The following DPP10 variants were observed in gnomAD, a reference collection of about 807,000 sequenced individuals.
DPP10 encodes dipeptidyl peptidase like 10, also known as inactive dipeptidyl peptidase 10.
Under a neutral mutation model 120.9 loss-of-function variants are expected in DPP10, and 33 were observed. That is an observed-to-expected ratio of 0.27 (90% CI 0.21 to 0.37). The LOEUF (loss-of-function observed/expected upper bound fraction) is 0.37. Ranked by LOEUF, DPP10 falls within the 10% of genes least tolerant of loss-of-function variation. DPP10 has a pLI of 1.00. For missense variants in DPP10, 816 were observed against 942.8 expected, an observed-to-expected ratio of 0.87 and a Z score of 1.76; for synonymous variants, 337 against 326.1, an observed-to-expected ratio of 1.03 and a Z score of -0.36.
intron 1 of DPP10, among the ~76,000 whole-genome samples, chr2:114,998,468 A>G (rs1701238495): frequency 6.6e-6 from 1 of 152,170 alleles, no homozygotes; most frequent in Non-Finnish European, 1.5e-5. Flanking sequence ...GGAGCTGATC[A>G]AAAGGGAATA....
At chr2:115,312,926 A>G (rs1387762903) in intron 2 of DPP10, among the ~76,000 whole-genome samples, 3 of 152,154 alleles carry the variant, frequency 2.0e-5, no homozygotes, top group African/African-American at 4.8e-5. Context: ...AACTCTTCCA[A>G]TAAGAGTGGC....
chr2:115,408,428 G>A (rs2068693204), intron 3 of DPP10, among the ~76,000 whole-genome samples: 1 of 152,018 alleles, frequency 6.6e-6, no homozygotes, highest in African/African-American at 2.4e-5. Context: ...GGCTTTTGCT[G>A]GGGGACCTTT....
intron 1 of DPP10, among the ~76,000 whole-genome samples, chr2:114,788,296 T>C (rs1682934295): frequency 6.6e-6 from 1 of 152,236 alleles, no homozygotes; most frequent in Non-Finnish European, 1.5e-5. Flanking sequence ...AAATGCCATT[T>C]ATACTCATCC....
chr2:115,605,361 C>A (rs1312868658), intron 5 of DPP10, among the ~76,000 whole-genome samples: 1 of 152,034 alleles, frequency 6.6e-6, no homozygotes, highest in Non-Finnish European at 1.5e-5. Flanking sequence ...ATTTTAAACT[C>A]TTATCACCCC....
At chr2:115,033,922 G>A (rs1277169145) in intron 1 of DPP10, among the ~76,000 whole-genome samples, 7 of 115,864 alleles carry the variant, frequency 6.0e-5, no homozygotes, top group East Asian at 2.8e-4. Flanking sequence ...TTTTTGAGAC[G>A]GAGTCTTGCT....
intron 1 of DPP10, among the ~76,000 whole-genome samples, chr2:115,272,662 T>C (rs954521840): frequency 6.6e-6 from 1 of 152,234 alleles, no homozygotes; most frequent in African/African-American, 2.4e-5. Flanking sequence ...AGTTCAAATA[T>C]CCAGTTTCCT....
chr2:115,633,748 T>A (rs1021741141), intron 5 of DPP10, among the ~76,000 whole-genome samples: 3 of 152,154 alleles, frequency 2.0e-5, no homozygotes, highest in Non-Finnish European at 4.4e-5. Context: ...GAGAATCTGA[T>A]GATTATGTGT....
chr2:114,978,659 T>A lies in DPP10; in HGVS notation c.61-330580T>A, dbSNP rs545655456. 6.6e-5 allele frequency among the ~76,000 whole-genome samples: 10 copies of A among 152,222 alleles called. No individual in the cohort carries two copies. The South Asian group carries it at 2.1e-3, about 32-fold the overall frequency. Reference sequence around the variant, plus strand: ...TTGTGATAATAATAGAATCACAAACTTCCAAGTCCTGGTTTCAGCTGTAGA... The same window carrying A: ...TTGTGATAATAATAGAATCACAAACATCCAAGTCCTGGTTTCAGCTGTAGA... On this transcript the variant is annotated intron_variant, in intron 1 of 25. Transcript: ENST00000410059.
chr2:115,466,338 G>A (rs945498117), intron 3 of DPP10, among the ~76,000 whole-genome samples: 2 of 152,104 alleles, frequency 1.3e-5, no homozygotes, highest in African/African-American at 4.8e-5. Flanking sequence ...ACATTTTGTA[G>A]AGCTACTATT....
intron 3 of DPP10, among the ~76,000 whole-genome samples, chr2:115,357,556 G>T (rs1188538712): frequency 2.0e-5 from 3 of 152,172 alleles, no homozygotes; most frequent in Non-Finnish European, 2.9e-5. Context: ...GGTGTTGTGT[G>T]TGCAGCTTTT....
At chr2:115,777,744 T>C (rs752389328) in intron 14 of DPP10, 43 bp from the exon 15 acceptor site, 33 of 1,599,096 alleles carry the variant, frequency 2.1e-5, no homozygotes, top group South Asian at 3.3e-5. Context: ...TCACAAAAAA[T>C]AGATCTGTGT....
intron 1 of DPP10, among the ~76,000 whole-genome samples, chr2:115,177,762 T>TTTTGTTTGTTTGTTTGTTTG (rs57710013): frequency 1.0e-4 from 15 of 150,726 alleles, no homozygotes; most frequent in African/African-American, 3.4e-4. Flanking sequence ...TTGTTTTTGT[T>TTTTGTTTGTTTGTTTGTTTG]TTTGTTTGTT....
intron 1 of DPP10, among the ~76,000 whole-genome samples, chr2:114,873,744 C>T (rs1574390361): frequency 6.6e-6 from 1 of 152,106 alleles, no homozygotes; most frequent in Admixed American, 6.6e-5. Flanking sequence ...CGTTAACGTA[C>T]ATGCCCTTAA....
At chr2:114,445,210 A>C (rs531647083) in intron 1 of DPP10, among the ~76,000 whole-genome samples, 1 of 152,184 alleles carries the variant, frequency 6.6e-6, no homozygotes, top group African/African-American at 2.4e-5. Flanking sequence ...CTATCAATTT[A>C]CTATCAGATA....
intron 1 of DPP10, among the ~76,000 whole-genome samples, chr2:115,252,539 T>C (rs1464938972): frequency 1.3e-5 from 2 of 152,208 alleles, no homozygotes; most frequent in East Asian, 3.9e-4. Context: ...CTATTCTGAT[T>C]CTTCACATAT....
chr2:114,611,485 A>ATCCAG (rs1693282062), intron 1 of DPP10, among the ~76,000 whole-genome samples: 1 of 152,190 alleles, frequency 6.6e-6, no homozygotes, highest in African/African-American at 2.4e-5. Context: ...ATATGTTTTC[A>ATCCAG]TCCAGTCTTT....
chr2:114,955,825 T>C (rs550383946), intron 1 of DPP10, among the ~76,000 whole-genome samples: 5 of 152,302 alleles, frequency 3.3e-5, no homozygotes, highest in East Asian at 1.9e-4. Context: ...ATTGTGTTAA[T>C]AGAATGAAGG....
chr2:114,849,545 C>A (rs1425534286), intron 1 of DPP10, among the ~76,000 whole-genome samples: 4 of 151,948 alleles, frequency 2.6e-5, no homozygotes, highest in African/African-American at 7.3e-5. Context: ...ACCATGTTAC[C>A]CAGGCTGCTC....
chr2:115,114,878 T>A (rs539294428), intron 1 of DPP10, among the ~76,000 whole-genome samples: 1 of 152,042 alleles, frequency 6.6e-6, no homozygotes, highest in Non-Finnish European at 1.5e-5. Flanking sequence ...ATTAATTCCC[T>A]GGTTTAACTA....
Sources: allele counts gnomAD v4.1 joint callset (sites outside exome capture counted in the v4.1 genomes callset), GRCh38; gene constraint gnomAD v4.1.1; transcripts MANE v1.5; gene names NCBI Gene and HGNC (gene_info 2026-07-23, HGNC 2026-07-21).